Variants in LRMDA observed in about 807,000 individuals in gnomAD.
LRMDA encodes leucine-rich melanocyte differentiation-associated protein.
LRMDA carries 18 observed loss-of-function variants against 29.8 expected under a neutral mutation model. The ratio of observed to expected loss-of-function variants is 0.60; its 90% CI spans 0.42 to 0.90. The LOEUF (loss-of-function observed/expected upper bound fraction) is 0.90. Ranked by LOEUF, LRMDA falls within the 40% of genes least tolerant of loss-of-function variation. The pLI, the probability that LRMDA is intolerant of heterozygous loss-of-function variation, is 0.00. For synonymous variants in LRMDA, 125 were observed against 109.4 expected (o/e 1.14, Z -0.89); for missense variants, 273 against 273.9 (o/e 1.00, Z 0.02).
chr10:75,829,794 G>A (rs928949380), intron 2 of LRMDA, among the ~76,000 whole-genome samples: 3 of 138,448 alleles, frequency 2.2e-5, no homozygotes, highest in Non-Finnish European at 3.1e-5. Context: ...CAAAACAAAT[G>A]TTTGTTGTTG....
At chr10:76,062,169 G>A (rs1250639769) in intron 5 of LRMDA, among the ~76,000 whole-genome samples, 1 of 152,156 alleles carries the variant, frequency 6.6e-6, no homozygotes, top group African/African-American at 2.4e-5. Flanking sequence ...TTTTCACGAT[G>A]GAATCGGAAT....
chr10:75,907,586 G>C (rs572217879), intron 2 of LRMDA, among the ~76,000 whole-genome samples: 18 of 152,290 alleles, frequency 1.2e-4, no homozygotes, highest in African/African-American at 4.1e-4. Context: ...TGAAGGTTAT[G>C]GCTGACATTA....
intron 2 of LRMDA, among the ~76,000 whole-genome samples, chr10:75,461,489 G>A (rs1377836513): frequency 1.3e-5 from 2 of 152,130 alleles, no homozygotes; most frequent in Non-Finnish European, 2.9e-5. Context: ...TGCTTCTGCT[G>A]TTTTCTCAAA....
At chr10:76,095,820 T>G (rs376867177) in intron 5 of LRMDA, among the ~76,000 whole-genome samples, 2 of 152,206 alleles carry the variant, frequency 1.3e-5, no homozygotes, top group African/African-American at 4.8e-5. Context: ...CACATCATCT[T>G]TGGTTAAAGT....
At chr10:76,404,427 A>G (rs575296328) in intron 6 of LRMDA, among the ~76,000 whole-genome samples, 1 of 152,184 alleles carries the variant, frequency 6.6e-6, no homozygotes, top group Non-Finnish European at 1.5e-5. Flanking sequence ...TGCTTACTTG[A>G]TGGCTGGCTT....
At chr10:75,730,487 C>T (rs1410701073) in intron 2 of LRMDA, among the ~76,000 whole-genome samples, 1 of 152,154 alleles carries the variant, frequency 6.6e-6, no homozygotes, top group Non-Finnish European at 1.5e-5. Flanking sequence ...GGTCAGATTT[C>T]CCAGCTTACT....
chr10:75,959,394 T>C (rs1197468425), intron 2 of LRMDA, among the ~76,000 whole-genome samples: 1 of 152,186 alleles, frequency 6.6e-6, no homozygotes, highest in Non-Finnish European at 1.5e-5. Context: ...GCATACCACA[T>C]GTATAAGTCA....
At chr10:76,036,482 CTGTT>C (rs1318863560) in intron 3 of LRMDA, among the ~76,000 whole-genome samples, 3 of 152,244 alleles carry the variant, frequency 2.0e-5, no homozygotes, top group Admixed American at 2.0e-4. Flanking sequence ...GAAGCCCAGT[CTGTT>C]TGCTTGGGCT....
At chr10:76,319,535 T>G (rs10824397) in intron 5 of LRMDA, among the ~76,000 whole-genome samples, 2 of 151,944 alleles carry the variant, frequency 1.3e-5, no homozygotes, top group African/African-American at 4.8e-5. Flanking sequence ...ATGTTTTTTT[T>G]TATGACCCAG....
At chr10:76,292,963 G>A (rs886613790) in intron 5 of LRMDA, among the ~76,000 whole-genome samples, 4 of 152,152 alleles carry the variant, frequency 2.6e-5, no homozygotes, top group African/African-American at 9.7e-5. Context: ...GAAACAGTGT[G>A]TGTATTTAAT....
intron 6 of LRMDA, among the ~76,000 whole-genome samples, chr10:76,391,036 T>C (rs184188259): frequency 3.7e-4 from 57 of 152,338 alleles, no homozygotes; most frequent in African/African-American, 1.3e-3. Flanking sequence ...ATTTTCCCTC[T>C]GCAGTGACAC....
chr10:76,305,849 A>C (rs925015813), intron 5 of LRMDA, among the ~76,000 whole-genome samples: 17 of 152,224 alleles, frequency 1.1e-4, no homozygotes, highest in Non-Finnish European at 2.4e-4. Flanking sequence ...GGCCTCTTTC[A>C]AGAACGGCTC....
intron 2 of LRMDA, among the ~76,000 whole-genome samples, chr10:75,709,408 GTGTC>G (rs1298391191): frequency 2.6e-5 from 4 of 151,896 alleles, no homozygotes; most frequent in East Asian, 2.0e-4. Flanking sequence ...GCATGTGTGT[GTGTC>G]TGTGTGTACG....
Position 76,115,719 on chromosome 10 carries a change from C to T in LRMDA, c.516+56936C>T, listed in dbSNP as rs529006697. Among the ~76,000 whole-genome samples the T allele has an allele frequency of 4.6e-5, 7 of 152,252 alleles. No homozygotes were observed. The South Asian group carries it at 6.2e-4, about 14-fold the overall frequency. On this transcript the variant is annotated intron_variant, in intron 5 of 6. Transcript: ENST00000611255. ...TCCAGCCAAACCCTTGTTTCTTTCA[C>T]AGCTCCGGCTGTTATATGATTAATG...
chr10:76,425,478 A>G (rs189331889), intron 6 of LRMDA, among the ~76,000 whole-genome samples: 2 of 152,104 alleles, frequency 1.3e-5, no homozygotes. Context: ...CTTAACTTTT[A>G]AAATGGAGAT....
chr10:75,602,662 A>G (rs1002047167), intron 2 of LRMDA, among the ~76,000 whole-genome samples: 1 of 152,154 alleles, frequency 6.6e-6, no homozygotes, highest in Non-Finnish European at 1.5e-5. Flanking sequence ...CTTTCAGATG[A>G]CTTTCATGTG....
intron 2 of LRMDA, among the ~76,000 whole-genome samples, chr10:75,881,441 A>G (rs1393263485): frequency 6.6e-6 from 1 of 152,194 alleles, no homozygotes; most frequent in East Asian, 1.9e-4. Flanking sequence ...AACTTTCCAC[A>G]CTAAGTAACA....
chr10:75,773,379 G>T (rs1313455742), intron 2 of LRMDA, among the ~76,000 whole-genome samples: 1 of 152,156 alleles, frequency 6.6e-6, no homozygotes, highest in East Asian at 1.9e-4. Flanking sequence ...CTTAAAGAAA[G>T]CACAGCCCTT....
At chr10:76,337,665 T>G (rs1202667742) in intron 6 of LRMDA, among the ~76,000 whole-genome samples, 1 of 152,140 alleles carries the variant, frequency 6.6e-6, no homozygotes, top group Non-Finnish European at 1.5e-5. Flanking sequence ...TGTTAAATGT[T>G]AAACCCAGGA....
Sources: allele counts gnomAD v4.1 joint callset (sites outside exome capture counted in the v4.1 genomes callset), GRCh38; gene constraint gnomAD v4.1.1; transcripts MANE v1.5; gene names NCBI Gene and HGNC (gene_info 2026-07-23, HGNC 2026-07-21).